IGSF10: variants seen among roughly 807,000 people sequenced by gnomAD.
The protein encoded by IGSF10 is immunoglobulin superfamily member 10, also known as calvaria mechanical force protein 608.
A neutral mutation model predicts 128.2 loss-of-function variants in IGSF10; 126 were observed. The ratio of observed to expected loss-of-function variants is 0.98; its 90% CI spans 0.85 to 1.14. The LOEUF (loss-of-function observed/expected upper bound fraction) is 1.14. Among genes scored for constraint, IGSF10 ranks in the 50% most tolerant of loss-of-function variants. The pLI, the probability that IGSF10 is intolerant of heterozygous loss-of-function variation, is 0.00. For missense variants in IGSF10, 3,295 were observed against 3,149.8 expected, an observed-to-expected ratio of 1.05 and a Z score of -1.10; for synonymous variants, 1,185 against 1,146.2, an observed-to-expected ratio of 1.03 and a Z score of -0.68.
intron 5 of IGSF10, among the ~76,000 whole-genome samples, chr3:151,451,389 T>C (rs1008220328): frequency 1.3e-5 from 2 of 152,356 alleles, no homozygotes; most frequent in African/African-American, 2.4e-5. Flanking sequence ...ACTATTAGAA[T>C]GACTTGTTTA....
chr3:151,494,195 T>C, the IGSF10 span, among the ~76,000 whole-genome samples: 3 of 152,078 alleles, frequency 2.0e-5, no homozygotes, highest in African/African-American at 7.2e-5. Flanking sequence ...ATTCCAAATT[T>C]TCAGAAGTAT....
At chr3:151,489,380 G>A in the IGSF10 span, among the ~76,000 whole-genome samples, 2 of 152,182 alleles carry the variant, frequency 1.3e-5, no homozygotes, top group East Asian at 1.9e-4. Context: ...TTGTAGGAGT[G>A]TAAATTAGTT....
the IGSF10 span, among the ~76,000 whole-genome samples, chr3:151,548,098 T>C: frequency 6.6e-6 from 1 of 152,188 alleles, no homozygotes; most frequent in African/African-American, 2.4e-5. Context: ...CAACACATTA[T>C]AGTGGAAGTG....
At chr3:151,499,964 A>C in the IGSF10 span, among the ~76,000 whole-genome samples, 3,497 of 152,292 alleles carry the variant, frequency 0.023, 99 homozygotes, top group East Asian at 0.063. Flanking sequence ...ATTTCCATGA[A>C]AGAAATTGTA....
the IGSF10 span, among the ~76,000 whole-genome samples, chr3:151,494,755 G>T: frequency 6.6e-6 from 1 of 151,964 alleles, no homozygotes; most frequent in Non-Finnish European, 1.5e-5. Flanking sequence ...CTTGTTCTTC[G>T]ATGGAAATGA....
rs745895078 is a variant in IGSF10, at chr3:151,447,977, C to T, written c.2004G>A (p.Arg668=). The change falls in exon 6 of 8, where the codon AGG becomes AGA. Residue 668 remains arginine, a synonymous_variant. Coordinates refer to ENST00000282466, the MANE Select transcript of IGSF10 (RefSeq NM_178822.5). The part of the protein sequence containing the change: ...FQVSVKMKGQ[R]PLEHDGETEG... The stretch of plus-strand genomic sequence containing the variant: ...CTGTTTCTCCATCATGCTCCAAGGG[C>T]CTTTGTCCTTTCATCTTGACTGAAA... 2 of 1,614,088 alleles carry T rather than the reference C, an allele frequency of 1.2e-6. No homozygotes were observed. The highest frequency in any genetic ancestry group is 1.7e-6 in the Non-Finnish European group (2 of 1,180,026).
chr3:151,454,226 A>C (rs561096242), intron 4 of IGSF10, among the ~76,000 whole-genome samples: 1 of 151,952 alleles, frequency 6.6e-6, no homozygotes, highest in Admixed American at 6.6e-5. Flanking sequence ...CCATGTTGGC[A>C]AGGTTGGTCT....
chr3:151,470,186 G>T, the IGSF10 span, among the ~76,000 whole-genome samples: 1 of 152,132 alleles, frequency 6.6e-6, no homozygotes, highest in Non-Finnish European at 1.5e-5. Flanking sequence ...GTACATAGAT[G>T]AATATATGCT....
the IGSF10 span, among the ~76,000 whole-genome samples, chr3:151,526,613 A>G: frequency 1.3e-5 from 2 of 152,114 alleles, no homozygotes; most frequent in African/African-American, 4.8e-5. Flanking sequence ...TTTCTTCTGC[A>G]TAAGTTATTT....
At chr3:151,599,691 A>AT in the IGSF10 span, among the ~76,000 whole-genome samples, 1 of 152,076 alleles carries the variant, frequency 6.6e-6, no homozygotes. Context: ...GTTAGTAGAC[A>AT]TTTTTTTCTC....
Position 151,437,370 on chromosome 3 carries a change from G to T in IGSF10, c.7191C>A (p.Ile2397=), listed in dbSNP as rs1253101333. The stretch of plus-strand genomic sequence containing the variant: ...CATCCTCCCGAGTTGTTTTAGAAAT[G>T]ATAAAAGAACCATTGCTTGCTATCA... ...QYLIASNGSF[I]ISKTTREDAG... is the part of the protein sequence containing the mutation. Residue 2397 remains isoleucine, a synonymous_variant, in exon 8 of 8, where the codon ATC becomes ATA. Transcript: ENST00000282466. 1 of 1,614,186 alleles carries T rather than the reference G, an allele frequency of 6.2e-7. No homozygotes were observed. Among genetic ancestry groups the T allele is most frequent in the South Asian group, 1.1e-5 (1 of 91,082 alleles).
chr3:151,554,758 T>C, the IGSF10 span, among the ~76,000 whole-genome samples: 31 of 152,288 alleles, frequency 2.0e-4, no homozygotes, highest in African/African-American at 7.0e-4. Flanking sequence ...ATTTAAACCA[T>C]GTACTATACA....
At chr3:151,594,243 A>G in the IGSF10 span, among the ~76,000 whole-genome samples, 1 of 151,886 alleles carries the variant, frequency 6.6e-6, no homozygotes, top group East Asian at 1.9e-4. Context: ...GCTATGGGAG[A>G]TACTGTCTGT....
chr3:151,556,871 T>C, the IGSF10 span, among the ~76,000 whole-genome samples: 1 of 152,210 alleles, frequency 6.6e-6, no homozygotes, highest in South Asian at 2.1e-4. Flanking sequence ...GTTCTGTCTA[T>C]AACATGCCAG....
At chr3:151,529,975 C>T in the IGSF10 span, among the ~76,000 whole-genome samples, 1 of 151,690 alleles carries the variant, frequency 6.6e-6, no homozygotes, top group Admixed American at 6.6e-5. Flanking sequence ...AAAGGTTAGA[C>T]GAATTGCTAA....
the IGSF10 span, among the ~76,000 whole-genome samples, chr3:151,522,548 A>T: frequency 1.3e-5 from 2 of 152,294 alleles, no homozygotes; most frequent in African/African-American, 2.4e-5. Flanking sequence ...ACACAAATCA[A>T]TAAATGTGAT....
the IGSF10 span, among the ~76,000 whole-genome samples, chr3:151,481,461 G>C: frequency 6.6e-6 from 1 of 152,126 alleles, no homozygotes. Flanking sequence ...CAAGGCCTGA[G>C]GCTCTGAAGC....
At chr3:151,477,524 A>G in the IGSF10 span, among the ~76,000 whole-genome samples, 4 of 152,208 alleles carry the variant, frequency 2.6e-5, no homozygotes, top group Admixed American at 2.6e-4. Flanking sequence ...AAGTCACTAA[A>G]CAATGTTGTA....
chr3:151,448,413 C>G lies in IGSF10; in HGVS notation c.1568G>C (p.Ser523Thr). The change falls in exon 6 of 8, where the codon AGT (serine) becomes ACT (threonine). Residue 523 changes from serine (S) to threonine (T), a missense_variant. Ser to Thr is a moderately conservative substitution (Grantham distance 58). Coordinates refer to ENST00000282466, the MANE Select transcript of IGSF10 (RefSeq NM_178822.5). ...DGSKVRAPYV[S>T]EDGRILIDKS... ...GTCTATTAGGATCCGTCCATCCTCA[C>G]TGACATAAGGGGCTCTCACTTTACT... is the stretch of plus-strand genomic sequence containing the variant. 2 of 1,614,244 alleles carry G rather than the reference C, an allele frequency of 1.2e-6. No individual in the cohort carries two copies. Among genetic ancestry groups the G allele is most frequent in the Non-Finnish European group, 1.7e-6 (2 of 1,180,042 alleles).
Sources: allele counts gnomAD v4.1 joint callset (sites outside exome capture counted in the v4.1 genomes callset), GRCh38; gene constraint gnomAD v4.1.1; transcripts MANE v1.5; gene names NCBI Gene and HGNC (gene_info 2026-07-23, HGNC 2026-07-21).